The following GRAP variants were observed in gnomAD, a reference collection of about 807,000 sequenced individuals.
GRAP encodes the protein GRB2-related adapter protein.
Under a neutral mutation model 9.1 loss-of-function variants are expected in GRAP, and 2 were observed. The observed-to-expected ratio is 0.22, with a 90% CI of 0.09 to 0.69. GRAP has a LOEUF of 0.69. Ranked by LOEUF, GRAP falls within the 30% of genes least tolerant of loss-of-function variation. The probability of loss-of-function intolerance (pLI) is 0.81; values close to 1 mark genes in which losing one functional copy is unlikely to be tolerated. For synonymous variants in GRAP, 68 were observed against 73.6 expected (o/e 0.92, Z 0.39); for missense variants, 113 against 179.4 (o/e 0.63, Z 2.12).
intron 4 of GRAP, 30 bp from the exon 5 acceptor site, chr17:19,022,174 GC>G: frequency 7.8e-7 from 1 of 1,289,014 alleles, no homozygotes; most frequent in Non-Finnish European, 1.0e-6. Context: ...TTAGTAGGGT[GC>G]CTTCAGAAGC....
At chr17:19,030,258 G>C (rs1597928153) in intron 3 of GRAP, 1 of 444,030 alleles carries the variant, frequency 2.3e-6, no homozygotes. Context: ...AGCAGCAGCA[G>C]CAGCAGCAAA....
At chr17:19,048,551 T>A (rs2044385635), upstream of GRAP, among the ~76,000 whole-genome samples, 1 of 92,724 alleles carries the variant, frequency 1.1e-5, no homozygotes, top group Non-Finnish European at 1.7e-5. Flanking sequence ...TGCCCCTGAT[T>A]AGGCCAGTGG....
At chr17:19,049,665 TG>T (rs1367623333), upstream of GRAP, among the ~76,000 whole-genome samples, 2 of 69,014 alleles carry the variant, frequency 2.9e-5, no homozygotes, top group Non-Finnish European at 7.6e-5. Context: ...AAAATTAGGC[TG>T]GGCACGGTGG....
At chr17:19,023,041 C>T (rs2044285910) in intron 4 of GRAP, among the ~76,000 whole-genome samples, 1 of 152,186 alleles carries the variant, frequency 6.6e-6, no homozygotes, top group African/African-American at 2.4e-5. Flanking sequence ...ATCCTGGCTT[C>T]CTCACACTCT....
chr17:19,027,523 CA>C lies in GRAP; in HGVS notation c.300-3141del, dbSNP rs1245168214. ...ACACACACACACACACACACACACA[CA>C]CCCCTACCTCTCCTGGGTTGTAAAT... On this transcript the variant is annotated intron_variant, in intron 3 of 4. Transcript: ENST00000284154. 2.5e-3 allele frequency among the ~76,000 whole-genome samples: 367 copies of C among 147,762 alleles called. 4 individuals are homozygous for C. The highest frequency in any genetic ancestry group is 8.8e-3 in the African/African-American group (352 of 40,022).
intron 4 of GRAP, among the ~76,000 whole-genome samples, chr17:19,023,758 C>T (rs1415826190): frequency 1.3e-5 from 2 of 151,530 alleles, no homozygotes; most frequent in African/African-American, 4.9e-5. Context: ...AGGTAAGTGT[C>T]CTTGGATGAG....
At chr17:19,048,166 A>G (rs1473243369), upstream of GRAP, among the ~76,000 whole-genome samples, 1 of 127,872 alleles carries the variant, frequency 7.8e-6, no homozygotes, top group Non-Finnish European at 1.7e-5. Flanking sequence ...TCTCAAAAAA[A>G]AAAAAAAAAA....
At position 19,024,186 on chromosome 17, in the gene GRAP, C is replaced by T. The variant is rs1226409287; in HGVS notation, c.468+29G>A. 1 of 1,559,090 alleles carries T rather than the reference C, an allele frequency of 6.4e-7. No homozygotes were observed. Among genetic ancestry groups the T allele is most frequent in the Non-Finnish European group, 8.7e-7 (1 of 1,150,986 alleles). On this transcript the variant is annotated intron_variant, in intron 4 of 4. Transcript: ENST00000284154. The surrounding 1 kb of genome is among the most constrained non-coding windows in gnomAD (Gnocchi z 4.2). ...AGATGGCAGGAGGTGCAGAGAGGCT[C>T]CCACAGGCCAGCCCCCACCCGCCCC...
chr17:19,027,470 G>GCT (rs778501108), intron 3 of GRAP, among the ~76,000 whole-genome samples: 1 of 116,016 alleles, frequency 8.6e-6, no homozygotes, highest in African/African-American at 4.0e-5. Flanking sequence ...TGGGACACAT[G>GCT]CGCGCGCGCG....
chr17:19,021,950 C>CCGGGCTGCTCACAGGTGCA lies in GRAP; in HGVS notation c.644_*8dup. 6.6e-7 allele frequency: 1 copy of CCGGGCTGCTCACAGGTGCA among 1,507,730 alleles called. No individual in the cohort carries two copies. Among genetic ancestry groups the CCGGGCTGCTCACAGGTGCA allele is most frequent in the African/African-American group, 1.4e-5 (1 of 71,008 alleles). 93.4% of individuals were successfully genotyped at this position (1,507,730 alleles called of 1,614,324 possible). On this transcript the variant is annotated 3_prime_UTR_variant, in exon 5 of 5. Coordinates refer to ENST00000284154, the MANE Select transcript of GRAP (RefSeq NM_006613.4). The surrounding 1 kb of genome is among the most constrained non-coding windows in gnomAD (Gnocchi z 4.1). The stretch of plus-strand genomic sequence containing the variant: ...AAAGGCCCGTTGGCCAGATCGGCCG[C>CCGGGCTGCTCACAGGTGCA]CGGGCTGCTCACAGGTGCACGGGCT...
At chr17:19,023,980 T>C (rs1464983715) in intron 4 of GRAP, among the ~76,000 whole-genome samples, 1 of 152,078 alleles carries the variant, frequency 6.6e-6, no homozygotes, top group Non-Finnish European at 1.5e-5. Context: ...CCCCATGGGA[T>C]TTTCCTTCTG....
At position 19,021,928 on chromosome 17, in the gene GRAP, G is replaced by C; in HGVS notation, c.*31C>G. On this transcript the variant is annotated 3_prime_UTR_variant, in exon 5 of 5. Coordinates refer to ENST00000284154, the MANE Select transcript of GRAP (RefSeq NM_006613.4). This position sits in a 1 kb window ranked among gnomAD's most constrained non-coding sequence, Gnocchi z 4.1. Reference sequence around the variant, plus strand: ...CTCTGGACCTCAGTTCCTGTAAAAAGGCCCGTTGGCCAGATCGGCCGCCGG... The same window carrying C: ...CTCTGGACCTCAGTTCCTGTAAAAACGCCCGTTGGCCAGATCGGCCGCCGG... 6.8e-7 allele frequency: 1 copy of C among 1,469,528 alleles called. No individual in the cohort carries two copies. The highest frequency in any genetic ancestry group is 9.0e-7 in the Non-Finnish European group (1 of 1,111,032). The allele number at this position is 1,469,528 out of a possible 1,614,324, so 91.0% of individuals were successfully genotyped here. A position where few individuals can be genotyped will look rare whatever the true frequency, so the allele number is the denominator to read the frequency against.
rs1276282531 is a variant in GRAP at position 19,024,519 on chromosome 17, G to A, written c.300-136C>T. ...CTGGAGTCAGATAAGGTGCAAGTGG[G>A]AGAGGCCCCACTGACCCAGCTCCAC... On this transcript the variant is annotated intron_variant, in intron 3 of 4. Coordinates refer to ENST00000284154, the MANE Select transcript of GRAP (RefSeq NM_006613.4). This position sits in a 1 kb window ranked among gnomAD's most constrained non-coding sequence, Gnocchi z 4.2. 3 of 1,428,932 alleles carry A rather than the reference G, an allele frequency of 2.1e-6. No individual in the cohort carries two copies. The highest frequency in any genetic ancestry group is 1.4e-5 in the African/African-American group (1 of 69,732). The allele number at this position is 1,428,932 out of a possible 1,614,324, so 88.5% of individuals were successfully genotyped here.
Position 19,021,850 on chromosome 17 carries a change from G to T in GRAP, c.*109C>A. The T allele has an allele frequency of 8.3e-7, 1 of 1,204,010 alleles. No individual in the cohort carries two copies. The highest frequency in any genetic ancestry group is 1.8e-5 in the South Asian group (1 of 54,862). The allele number at this position is 1,204,010 out of a possible 1,614,324, so 74.6% of individuals were successfully genotyped here. A position where few individuals can be genotyped will look rare whatever the true frequency, so the allele number is the denominator to read the frequency against. On this transcript the variant is annotated 3_prime_UTR_variant, in exon 5 of 5. Transcript: ENST00000284154. This position sits in a 1 kb window ranked among gnomAD's most constrained non-coding sequence, Gnocchi z 4.1. Reference sequence around the variant, plus strand: ...GTTAGGAGCCCACGTTCAGTCCAAGGCCGTCCACTGAGCCCCGTGTGACTC... The same window carrying T: ...GTTAGGAGCCCACGTTCAGTCCAAGTCCGTCCACTGAGCCCCGTGTGACTC...
rs1243042139 is a variant in GRAP, at chr17:19,021,021, T to C, written c.*938A>G. On this transcript the variant is annotated 3_prime_UTR_variant, in exon 5 of 5. Transcript: ENST00000284154. This position sits in a 1 kb window ranked among gnomAD's most constrained non-coding sequence, Gnocchi z 4.1. ...CCAGGCTCTGGGCAGGCCCTGCTCA[T>C]ATCCCTGATCATGGCACATTCTCTG... The C allele has an allele frequency of 6.5e-6, 1 of 153,734 alleles. No homozygotes were observed. Among genetic ancestry groups the C allele is most frequent in the African/African-American group, 2.4e-5 (1 of 41,462 alleles). 9.5% of individuals were successfully genotyped at this position (153,734 alleles called of 1,614,324 possible). A position where few individuals can be genotyped will look rare whatever the true frequency, so the allele number is the denominator to read the frequency against.
chr17:19,030,178 C>G (rs1014190873), intron 3 of GRAP, among the ~76,000 whole-genome samples: 1 of 125,464 alleles, frequency 8.0e-6, no homozygotes, highest in Non-Finnish European at 1.6e-5. Flanking sequence ...CAAGTCAGGC[C>G]TAATGCTGGC....
intron 4 of GRAP, 200 bp from the exon 5 acceptor site, chr17:19,022,344 G>C (rs1435593878): frequency 2.3e-6 from 1 of 441,046 alleles, no homozygotes. Context: ...CTGCTGTGCA[G>C]ATGCTGCATC....
At position 19,024,412 on chromosome 17, in the gene GRAP, G is replaced by A. The variant is rs1307777249; in HGVS notation, c.300-29C>T. On this transcript the variant is annotated intron_variant, in intron 3 of 4. Coordinates refer to ENST00000284154, the MANE Select transcript of GRAP (RefSeq NM_006613.4). This position sits in a 1 kb window ranked among gnomAD's most constrained non-coding sequence, Gnocchi z 4.2. ...GGGGAAAGGACCCGGGGCCACCTCA[G>A]GTGGTGGCCGTCCCAGCCTGGCATG... The A allele has an allele frequency of 6.2e-7, 1 of 1,601,302 alleles. No homozygotes were observed. Among genetic ancestry groups the A allele is most frequent in the Non-Finnish European group, 8.5e-7 (1 of 1,173,388 alleles).
rs1427421461 is a variant in GRAP at position 19,024,627 on chromosome 17, T to C, written c.300-244A>G. ...GCTCTGAACCAGGCCACTTTCTCACTGTGTGACCTCATGCAAGTCTCTCAA... is the reference window on the plus strand; with the variant it reads ...GCTCTGAACCAGGCCACTTTCTCACCGTGTGACCTCATGCAAGTCTCTCAA... On this transcript the variant is annotated intron_variant, in intron 3 of 4. Transcript: ENST00000284154. The surrounding 1 kb of genome is among the most constrained non-coding windows in gnomAD (Gnocchi z 4.2). 1.7e-5 allele frequency: 3 copies of C among 181,162 alleles called. No individual in the cohort carries two copies. The highest frequency in any genetic ancestry group is 6.5e-5 in the Admixed American group (1 of 15,330). 11.2% of individuals were successfully genotyped at this position (181,162 alleles called of 1,614,324 possible). A position where few individuals can be genotyped will look rare whatever the true frequency, so the allele number is the denominator to read the frequency against.
Sources: gnomAD v4.1 joint callset for allele counts (sites outside exome capture counted in the v4.1 genomes callset) on GRCh38, gnomAD v4.1.1 for gene constraint, Gnocchi (gnomAD v3.1) non-coding constraint, MANE v1.5 for transcripts, NCBI Gene and HGNC (gene_info 2026-07-23, HGNC 2026-07-21) for gene names.